FBRS: variants seen among roughly 807,000 people sequenced by gnomAD.
FBRS encodes fibrosin, also known as probable fibrosin-1.
Under a neutral mutation model 86.1 loss-of-function variants are expected in FBRS, and 15 were observed. The ratio of observed to expected loss-of-function variants is 0.17; its 90% confidence interval spans 0.12 to 0.27. The LOEUF is 0.27. Ranked by LOEUF, FBRS falls within the 10% of genes least tolerant of loss-of-function variation. The pLI is 1.00. For missense variants in FBRS, 1,367 were observed against 1,301.6 expected, an observed-to-expected ratio of 1.05 and a Z score of -0.77; for synonymous variants, 666 against 575.8, an observed-to-expected ratio of 1.16 and a Z score of -2.24.
chr16:30,660,969 G>A (rs1282570021), intron 2 of FBRS, among the ~76,000 whole-genome samples: 4 of 152,178 alleles, frequency 2.6e-5, no homozygotes, highest in African/African-American at 9.7e-5. Flanking sequence ...GGGAAAAGTT[G>A]TTTTGGGCAA....
chr16:30,660,565 G>C (rs2052447236), intron 2 of FBRS, 123 bp downstream of exon 2: 1 of 1,255,178 alleles, frequency 8.0e-7, no homozygotes, highest in East Asian at 3.1e-5. Flanking sequence ...AGGCAAGCAG[G>C]GCAAATTTGA....
Position 30,658,840 on chromosome 16 carries a change from G to A in FBRS, c.-679G>A, listed in dbSNP as rs2052416764. 6.6e-6 allele frequency: 1 copy of A among 152,260 alleles called. No individual in the cohort carries two copies. 9.4% of individuals were successfully genotyped at this position (152,260 alleles called of 1,614,324 possible). ...CCAGCCTTAAAGGGGAAGCCGCCGA[G>A]CAGACGCTGACAAATTGAGAACTGT... On this transcript the variant is annotated 5_prime_UTR_variant, in exon 1 of 18. Coordinates refer to ENST00000356166, the MANE Select transcript of FBRS (RefSeq NM_001105079.3).
chr16:30,661,723 C>T (rs1374789875), intron 4 of FBRS, among the ~76,000 whole-genome samples: 4 of 152,148 alleles, frequency 2.6e-5, no homozygotes. Flanking sequence ...GACACTAAAT[C>T]ATTGTAGTCA....
chr16:30,660,577 C>G (rs1332058948), intron 2 of FBRS, 135 bp downstream of exon 2: 3 of 1,248,308 alleles, frequency 2.4e-6, no homozygotes. Flanking sequence ...CAAATTTGAG[C>G]CCTTACTCAT....
intron 15 of FBRS, chr16:30,668,157 C>G (rs952035294): frequency 4.7e-6 from 1 of 214,810 alleles, no homozygotes; most frequent in Non-Finnish European, 9.2e-6. Context: ...CCAACAAGGT[C>G]TTCAGGCTTG....
Position 30,664,343 on chromosome 16 carries a change from C to T in FBRS, c.1184C>T (p.Thr395Met), listed in dbSNP as rs779929186. ...GCGCAGCTCACCCACCGGCCCCCGA[C>T]GCCCTCACTGCCCCTGCCTTTGTCC... ...SSAQLTHRPPTPSLPLPLSTH... is the reference protein window; with the variant it reads ...SSAQLTHRPPMPSLPLPLSTH... The change falls in exon 7 of 18, where the codon ACG (threonine) becomes ATG (methionine). Residue 395 changes from threonine to methionine, a missense_variant. Physicochemically the swap from Thr to Met is moderately conservative, Grantham distance 81. This residue lies in a region of FBRS where 702 missense variants were observed against 598.7 expected (regional missense o/e 1.17). Coordinates refer to ENST00000356166, the MANE Select transcript of FBRS (RefSeq NM_001105079.3). 24 of 1,541,430 alleles carry T rather than the reference C, an allele frequency of 1.6e-5. No individual in the cohort carries two copies. The highest frequency in any genetic ancestry group is 2.4e-5 in the South Asian group (2 of 83,214).
chr16:30,660,483 C>T (rs2052445666), intron 2 of FBRS, 41 bp downstream of exon 2: 2 of 1,255,606 alleles, frequency 1.6e-6, no homozygotes, highest in Non-Finnish European at 2.0e-6. Flanking sequence ...GAATGTATTT[C>T]CCACAGCCCC....
In FBRS at chr16:30,662,460, C is replaced by T; in HGVS notation, c.746C>T (p.Thr249Ile). ...CTCGACCCATCCTTTACTGTCTCAA[C>T]CAGCAAAGGTTGGTCCCAAGGTCTG... ...DDLDPSFTVS[T>I]SKASGPHGAF... Residue 249 changes from threonine to isoleucine, a missense_variant, in exon 5 of 18, where the codon ACC becomes ATC. Coordinates refer to ENST00000356166, the MANE Select transcript of FBRS (RefSeq NM_001105079.3). 1 of 1,550,664 alleles carries T rather than the reference C, an allele frequency of 6.4e-7. No homozygotes were observed. The highest frequency in any genetic ancestry group is 8.7e-7 in the Non-Finnish European group (1 of 1,147,010).
Position 30,667,406 on chromosome 16 carries a change from C to T in FBRS, c.1962C>T (p.Leu654=). The T allele has an allele frequency of 6.5e-7, 1 of 1,550,146 alleles. No homozygotes were observed. Among genetic ancestry groups the T allele is most frequent in the Non-Finnish European group, 8.7e-7 (1 of 1,146,020 alleles). Residue 654 remains leucine (L), a synonymous_variant, in exon 14 of 18, where the codon CTC becomes CTT. Transcript: ENST00000356166. ...GGGCCCTGCCCCCTGGGCAGGAGCT[C>T]TCCCACCCGGCCTCCCTCTTCACTG... is the stretch of plus-strand genomic sequence containing the variant. ...PYGALPPGQE[L]SHPASLFTAT...
chr16:30,662,568 C>G lies in FBRS; in HGVS notation c.764C>G (p.Pro255Arg). The G allele has an allele frequency of 6.5e-7, 1 of 1,543,050 alleles. No homozygotes were observed. Among genetic ancestry groups the G allele is most frequent in the Non-Finnish European group, 8.8e-7 (1 of 1,141,584 alleles). The change falls in exon 6 of 18, where the codon CCC becomes CGC. Residue 255 changes from proline to arginine, a missense_variant. Physicochemically the swap from Pro to Arg is moderately radical, Grantham distance 103 (BLOSUM62 -2). Around this residue, in one of 3 missense-constraint regions of FBRS, gnomAD observed 702 missense variants for 598.7 expected, o/e 1.17. Coordinates refer to ENST00000356166, the MANE Select transcript of FBRS (RefSeq NM_001105079.3). ...FTVSTSKASG[P>R]HGAFNGNCEA... The stretch of plus-strand genomic sequence containing the variant: ...CCATCCTGCCCCACAGCCTCGGGCC[C>G]CCACGGCGCCTTCAATGGGAACTGT...
In FBRS at chr16:30,664,397, G is replaced by GGGGC; in HGVS notation, c.1239_1240insGGCG (p.Pro414GlyfsTer37). 1 of 1,403,854 alleles carries GGGGC rather than the reference G, an allele frequency of 7.1e-7. No individual in the cohort carries two copies. The highest frequency in any genetic ancestry group is 9.5e-7 in the Non-Finnish European group (1 of 1,050,132). The allele number at this position is 1,403,854 out of a possible 1,614,324, so 87.0% of individuals were successfully genotyped here. A position where few individuals can be genotyped will look rare whatever the true frequency, so the allele number is the denominator to read the frequency against. On this transcript the variant is annotated frameshift_variant, in exon 7 of 18. Transcript: ENST00000356166. LOFTEE classifies it high-confidence loss of function. ...CACAGCTTTCCCCCTCCCGGGCTGCGGCCCCCCCCACCACCCCACCACCCC... is the reference window on the plus strand; with the variant it reads ...CACAGCTTTCCCCCTCCCGGGCTGCGGGGCGCCCCCCCCACCACCCCACCACCCC...
chr16:30,669,117 C>A lies in FBRS; in HGVS notation c.2415C>A (p.Pro805=). ...AGCTCCGAGTTTCTCCTGCTACTCCCAAGGCCCGGGCTGGTGAGGAGGGGC... is the reference window on the plus strand; with the variant it reads ...AGCTCCGAGTTTCTCCTGCTACTCCAAAGGCCCGGGCTGGTGAGGAGGGGC... ...RPQLRVSPAT[P]KARAGEEGPR... is the part of the protein sequence containing the mutation. The change falls in exon 18 of 18, where the codon CCC becomes CCA. Residue 805 remains proline (P), a synonymous_variant. Coordinates refer to ENST00000356166, the MANE Select transcript of FBRS (RefSeq NM_001105079.3). The surrounding 1 kb of genome is among the most constrained non-coding windows in gnomAD (Gnocchi z 5.9). 6.3e-7 allele frequency: 1 copy of A among 1,591,898 alleles called. No homozygotes were observed. Among genetic ancestry groups the A allele is most frequent in the South Asian group, 1.1e-5 (1 of 87,254 alleles).
chr16:30,668,504 G>C (rs937118267), intron 15 of FBRS, 56 bp from the exon 16 acceptor site: 2 of 1,524,670 alleles, frequency 1.3e-6, no homozygotes, highest in Non-Finnish European at 1.8e-6. Context: ...GCCAGGCCTG[G>C]TGCCTGCTCA....
In FBRS at chr16:30,665,999, G is replaced by A; in HGVS notation, c.1773+293G>A. 4.4e-6 allele frequency: 2 copies of A among 453,096 alleles called. No homozygotes were observed. The highest frequency in any genetic ancestry group is 6.0e-5 in the South Asian group (2 of 33,568). 28.1% of individuals were successfully genotyped at this position (453,096 alleles called of 1,614,324 possible). On this transcript the variant is annotated intron_variant, in intron 11 of 17. Transcript: ENST00000356166. This position sits in a 1 kb window ranked among gnomAD's most constrained non-coding sequence, Gnocchi z 4.1. ...TTTTTTCCAAATGACATCATACCAG[G>A]AAGCCCTGTTCGGAAAACAAAAGAT...
At position 30,670,064 on chromosome 16, in the gene FBRS, T is replaced by G; in HGVS notation, c.*419T>G. 1 of 489,480 alleles carries G rather than the reference T, an allele frequency of 2.0e-6. No individual in the cohort carries two copies. Among genetic ancestry groups the G allele is most frequent in the Non-Finnish European group, 4.0e-6 (1 of 249,236 alleles). The allele number at this position is 489,480 out of a possible 1,614,324, so 30.3% of individuals were successfully genotyped here. On this transcript the variant is annotated 3_prime_UTR_variant, in exon 18 of 18. Transcript: ENST00000356166. ...CTCCGAGGGCTGGGGGAGGAGGGGC[T>G]CAAGGAAGGGGGGTTCCATGTACAT...
chr16:30,667,245 A>G (rs1413474844), intron 13 of FBRS, 75 bp from the exon 14 acceptor site: 1 of 1,257,318 alleles, frequency 8.0e-7, no homozygotes, highest in African/African-American at 1.5e-5. Flanking sequence ...TTTGGAGGGG[A>G]ACCACGGGTG....
At position 30,667,581 on chromosome 16, in the gene FBRS, C is replaced by T; in HGVS notation, c.2033C>T (p.Pro678Leu). 1 of 1,542,932 alleles carries T rather than the reference C, an allele frequency of 6.5e-7. No homozygotes were observed. Among genetic ancestry groups the T allele is most frequent in the African/African-American group, 1.4e-5 (1 of 72,842 alleles). ...GCAGCCAACCCTTTCACGGCAGCTCCCGGGGCCCACGGACCCTTCCTGAGC... is the reference window on the plus strand; with the variant it reads ...GCAGCCAACCCTTTCACGGCAGCTCTCGGGGCCCACGGACCCTTCCTGAGC... ...HAAANPFTAA[P>L]GAHGPFLSPS... Residue 678 changes from proline to leucine, a missense_variant, in exon 15 of 18, where the codon CCC becomes CTC. Around this residue, in one of 3 missense-constraint regions of FBRS, gnomAD observed 659 missense variants for 678.8 expected, o/e 0.97. Transcript: ENST00000356166.
Position 30,659,882 on chromosome 16 carries a change from G to T in FBRS, c.364G>T (p.Glu122Ter). Residue 122 changes from glutamate to a stop codon, truncating the protein, a stop_gained, in exon 1 of 18, where the codon GAA becomes TAA. Transcript: ENST00000356166. LOFTEE classifies it high-confidence loss of function. The stretch of plus-strand genomic sequence containing the variant: ...GGAGGAGGGGGGCGCAGACGACGGC[G>T]AAGCCGAGGAGGAGCCTGAGGAGGA... ...EEEEGGADDGEAEEEPEEEEE... is the reference protein window; with the variant it reads ...EEEEGGADDG 6.5e-7 allele frequency: 1 copy of T among 1,547,182 alleles called. No individual in the cohort carries two copies. Among genetic ancestry groups the T allele is most frequent in the Non-Finnish European group, 8.7e-7 (1 of 1,146,866 alleles).
In FBRS at chr16:30,660,651, T is replaced by C. The variant is rs1376914050; in HGVS notation, c.639+209T>C. The C allele has an allele frequency of 2.2e-5, 17 of 784,066 alleles. No individual in the cohort carries two copies. The East Asian group carries it at 5.6e-4, about 26-fold the overall frequency. 48.6% of individuals were successfully genotyped at this position (784,066 alleles called of 1,614,324 possible). Reference sequence around the variant, plus strand: ...TCCTTTTGCCTGGTTCTGTGTCTACTTCAAACGTTTTGATAATTCAGAGAG... The same window carrying C: ...TCCTTTTGCCTGGTTCTGTGTCTACCTCAAACGTTTTGATAATTCAGAGAG... On this transcript the variant is annotated intron_variant, in intron 2 of 17. Transcript: ENST00000356166.
Sources: allele counts gnomAD v4.1 joint callset (sites outside exome capture counted in the v4.1 genomes callset), GRCh38; gene constraint gnomAD v4.1.1; regional missense constraint gnomAD v4.1.1; non-coding constraint Gnocchi (gnomAD v3.1); transcripts MANE v1.5; gene names NCBI Gene and HGNC (gene_info 2026-07-23, HGNC 2026-07-21).